Variants in CERS3 observed in about 807,000 individuals in gnomAD.
CERS3 encodes the protein LAG1 homolog, ceramide synthase 3.
CERS3 carries 33 observed loss-of-function variants against 50.3 expected under a neutral mutation model. That is an observed-to-expected ratio of 0.66 (90% CI 0.50 to 0.88). CERS3 has a LOEUF of 0.88. CERS3 is among the 40% of genes least tolerant of loss of function. The probability of loss-of-function intolerance (pLI) is 0.00; values close to 1 mark genes in which losing one functional copy is unlikely to be tolerated. For missense variants in CERS3, 470 were observed against 460.3 expected (o/e 1.02, Z -0.19); for synonymous variants, 176 against 155.2 (o/e 1.13, Z -0.99).
chr15:100,411,018 T>G (rs760179380), intron 11 of CERS3, among the ~76,000 whole-genome samples: 14 of 152,184 alleles, frequency 9.2e-5, no homozygotes, highest in Admixed American at 2.0e-4. Flanking sequence ...ACTTTCTGTC[T>G]CTATGACTTT....
chr15:100,417,376 G>A (rs919696827), intron 11 of CERS3, among the ~76,000 whole-genome samples: 1 of 152,128 alleles, frequency 6.6e-6, no homozygotes, highest in Non-Finnish European at 1.5e-5. Context: ...TTTCCGACGG[G>A]CTTAAAAAAT....
intron 5 of CERS3, among the ~76,000 whole-genome samples, chr15:100,483,787 A>ATTTTTTCT (rs1555530340): frequency 1.0e-5 from 1 of 100,040 alleles, no homozygotes. Context: ...TATTATTATT[A>ATTTTTTCT]TTTTTTTTTT....
chr15:100,417,982 A>C (rs185348066), intron 11 of CERS3, among the ~76,000 whole-genome samples: 1 of 152,284 alleles, frequency 6.6e-6, no homozygotes, highest in African/African-American at 2.4e-5. Context: ...AGATGGGGAA[A>C]AAACAGAACA....
At chr15:100,405,552 T>C (rs943692294) in intron 11 of CERS3, among the ~76,000 whole-genome samples, 1 of 152,342 alleles carries the variant, frequency 6.6e-6, no homozygotes, top group Non-Finnish European at 1.5e-5. Flanking sequence ...TGATGAATCT[T>C]AAAGACATTA....
chr15:100,451,573 G>C lies in CERS3; in HGVS notation c.999+4320C>G, dbSNP rs2034170855. Among the ~76,000 whole-genome samples the C allele has an allele frequency of 2.0e-5, 3 of 152,118 alleles. No individual in the cohort carries two copies. In the South Asian group the frequency reaches 6.2e-4, roughly 32 times the overall value. On this transcript the variant is annotated intron_variant, in intron 11 of 11. Transcript: ENST00000679737. The stretch of plus-strand genomic sequence containing the variant: ...AAAAACAAAATTAGCCGGGTGTGGT[G>C]GTGGGCACCTGTAGTTCCACCTACT...
At chr15:100,451,017 C>T (rs1174115026) in intron 11 of CERS3, among the ~76,000 whole-genome samples, 1 of 152,144 alleles carries the variant, frequency 6.6e-6, no homozygotes, top group Non-Finnish European at 1.5e-5. Flanking sequence ...TAAGGGAATT[C>T]ATCACAACTA....
chr15:100,508,700 C>A (rs940884459), intron 2 of CERS3, among the ~76,000 whole-genome samples: 3 of 152,164 alleles, frequency 2.0e-5, no homozygotes, highest in Non-Finnish European at 2.9e-5. Context: ...CCAATTCTAG[C>A]AATTTCTGGC....
chr15:100,413,527 C>CTATAT (rs1300002532), intron 11 of CERS3, among the ~76,000 whole-genome samples: 1 of 36,786 alleles, frequency 2.7e-5, no homozygotes, highest in Non-Finnish European at 8.4e-5. Flanking sequence ...CTATACTATA[C>CTATAT]TATACTATAC....
chr15:100,469,175 C>T (rs774338810), intron 10 of CERS3, among the ~76,000 whole-genome samples: 1 of 152,176 alleles, frequency 6.6e-6, no homozygotes, highest in Non-Finnish European at 1.5e-5. Flanking sequence ...TTCCATCTCC[C>T]GTTGTAATAA....
chr15:100,462,394 T>C (rs928528022), intron 10 of CERS3, among the ~76,000 whole-genome samples: 5 of 152,234 alleles, frequency 3.3e-5, no homozygotes, highest in African/African-American at 9.6e-5. Context: ...TGTATTTGTC[T>C]AATGAAAATT....
At chr15:100,417,854 A>C (rs2032075842) in intron 11 of CERS3, among the ~76,000 whole-genome samples, 1 of 151,976 alleles carries the variant, frequency 6.6e-6, no homozygotes, top group East Asian at 1.9e-4. Flanking sequence ...ATTCCAACAG[A>C]CCTGCAGCTG....
intron 6 of CERS3, among the ~76,000 whole-genome samples, chr15:100,479,719 T>C (rs916173801): frequency 1.3e-5 from 2 of 152,174 alleles, no homozygotes; most frequent in South Asian, 4.1e-4. Flanking sequence ...GAATCTAAGA[T>C]AAGTAAATAG....
chr15:100,484,431 T>C, intron 5 of CERS3, 119 bp downstream of exon 5: 2 of 683,734 alleles, frequency 2.9e-6, no homozygotes, highest in East Asian at 5.2e-5. Flanking sequence ...ACCACATCAG[T>C]GGGTGACAGA....
intron 11 of CERS3, among the ~76,000 whole-genome samples, chr15:100,434,968 C>T (rs547958587): frequency 1.2e-4 from 19 of 152,292 alleles, no homozygotes; most frequent in Non-Finnish European, 2.1e-4. Context: ...CCTCCCTCAC[C>T]CTCCTTTCCA....
chr15:100,480,880 G>T (rs991838843), intron 5 of CERS3, among the ~76,000 whole-genome samples: 1 of 152,138 alleles, frequency 6.6e-6, no homozygotes, highest in Non-Finnish European at 1.5e-5. Flanking sequence ...GGATAGAGAG[G>T]ACATAGGATT....
chr15:100,423,883 A>G (rs2032632990), intron 11 of CERS3, among the ~76,000 whole-genome samples: 1 of 151,884 alleles, frequency 6.6e-6, no homozygotes, highest in Non-Finnish European at 1.5e-5. Flanking sequence ...CAGCCTGCAG[A>G]ACCATGAGTT....
intron 10 of CERS3, among the ~76,000 whole-genome samples, chr15:100,462,663 T>C (rs1267930078): frequency 6.6e-6 from 1 of 152,220 alleles, no homozygotes; most frequent in Non-Finnish European, 1.5e-5. Context: ...GATTCTTCCA[T>C]AACCAGCTAT....
At position 100,480,008 on chromosome 15, in the gene CERS3, C is replaced by A; in HGVS notation, c.446G>T (p.Gly149Val). 1 of 1,609,398 alleles carries A rather than the reference C, an allele frequency of 6.2e-7. No homozygotes were observed. The highest frequency in any genetic ancestry group is 1.1e-5 in the South Asian group (1 of 89,528). Residue 149 changes from glycine to valine, a missense_variant, in exon 6 of 12, where the codon GGA (glycine) becomes GTA (valine). Physicochemically the swap from Gly to Val is moderately radical, Grantham distance 109. Transcript: ENST00000679737. The stretch of plus-strand genomic sequence containing the variant: ...ACTTACATCATAAAGAAACGCAATT[C>A]CAGCAACAGTGATCATTAAGTAAAA... ...FAFYLMITVA[G>V]IAFLYDKPWL...
At chr15:100,486,515 G>A (rs1381121122) in intron 4 of CERS3, among the ~76,000 whole-genome samples, 1 of 152,232 alleles carries the variant, frequency 6.6e-6, no homozygotes, top group Admixed American at 6.5e-5. Context: ...TAGAGATTTT[G>A]ATGACCAAAC....
Sources: allele counts gnomAD v4.1 joint callset (sites outside exome capture counted in the v4.1 genomes callset), GRCh38; gene constraint gnomAD v4.1.1; transcripts MANE v1.5; gene names NCBI Gene and HGNC (gene_info 2026-07-23, HGNC 2026-07-21).